Variants in MTMR6 observed in about 807,000 individuals in gnomAD.
MTMR6 encodes phosphatidylinositol-3,5-bisphosphate 3-phosphatase MTMR6.
Under a neutral mutation model 80.1 loss-of-function variants are expected in MTMR6, and 47 were observed. The ratio of observed to expected loss-of-function variants is 0.59; its 90% CI spans 0.46 to 0.75. The LOEUF is 0.75. MTMR6 is among the 30% of genes least tolerant of loss of function. The pLI, the probability that MTMR6 is intolerant of heterozygous loss-of-function variation, is 0.00. For synonymous variants in MTMR6, 254 were observed against 253.0 expected (o/e 1.00, Z -0.04); for missense variants, 629 against 730.9 (o/e 0.86, Z 1.61).
intron 5 of MTMR6, among the ~76,000 whole-genome samples, chr13:25,263,631 A>G (rs1440137314): frequency 1.3e-5 from 2 of 152,202 alleles, no homozygotes; most frequent in African/African-American, 2.4e-5. Flanking sequence ...TCACACCTGC[A>G]ATCCCAGCAC....
At chr13:25,274,741 C>T (rs76207647) in intron 1 of MTMR6, among the ~76,000 whole-genome samples, 2,052 of 152,132 alleles carry the variant, frequency 0.013, 63 homozygotes, top group African/African-American at 0.046. Flanking sequence ...AAGTGGCAAG[C>T]ATTCTTCAAG....
chr13:25,266,021 A>C, intron 4 of MTMR6, 74 bp from the exon 5 acceptor site: 1 of 1,595,892 alleles, frequency 6.3e-7, no homozygotes, highest in Non-Finnish European at 8.6e-7. Context: ...AAACCTTATT[A>C]AATGCAAGAA....
intron 13 of MTMR6, among the ~76,000 whole-genome samples, chr13:25,249,881 T>A (rs1248737915): frequency 6.6e-6 from 1 of 152,228 alleles, no homozygotes; most frequent in Admixed American, 6.5e-5. Context: ...AAGGGCTCAC[T>A]GACTATATAG....
chr13:25,263,383 A>G (rs893067281), intron 5 of MTMR6, among the ~76,000 whole-genome samples: 1 of 152,160 alleles, frequency 6.6e-6, no homozygotes, highest in Non-Finnish European at 1.5e-5. Context: ...GATAAGGATG[A>G]ACCTGAAGAC....
intron 1 of MTMR6, among the ~76,000 whole-genome samples, chr13:25,286,349 C>G (rs1470750195): frequency 5.9e-5 from 9 of 152,178 alleles, no homozygotes; most frequent in African/African-American, 2.2e-4. Flanking sequence ...TTTGCCAAAA[C>G]GTCAAGAGGC....
rs1486582287 is a variant in MTMR6, at chr13:25,266,293, A to G, written c.305-7T>C. 7 of 1,600,916 alleles carry G rather than the reference A, an allele frequency of 4.4e-6. No individual in the cohort carries two copies. The highest frequency in any genetic ancestry group is 1.3e-5 in the African/African-American group (1 of 74,428). On this transcript the variant is annotated splice_region_variant and splice_polypyrimidine_tract_variant and intron_variant, in intron 3 of 13. Coordinates refer to ENST00000381801, the MANE Select transcript of MTMR6 (RefSeq NM_004685.5). ...TAGAGATCTTCATATTTTGCTACAG[A>G]ATACAAAATTTTAAATGTTAAGTGC...
At chr13:25,278,210 T>C (rs1233380684) in intron 1 of MTMR6, among the ~76,000 whole-genome samples, 3 of 152,230 alleles carry the variant, frequency 2.0e-5, no homozygotes, top group African/African-American at 7.2e-5. Context: ...CTTCTCTACC[T>C]TTAGGCTCTT....
At chr13:25,285,425 G>A (rs1158381861) in intron 1 of MTMR6, among the ~76,000 whole-genome samples, 1 of 138,934 alleles carries the variant, frequency 7.2e-6, no homozygotes, top group Non-Finnish European at 1.5e-5. Flanking sequence ...CAGGCTGGAG[G>A]GCAATGGCGC....
chr13:25,265,649 C>G (rs1382407097), intron 5 of MTMR6, among the ~76,000 whole-genome samples, 170 bp downstream of exon 5: 2 of 151,732 alleles, frequency 1.3e-5, no homozygotes, highest in African/African-American at 4.8e-5. Flanking sequence ...ACAAGAACTG[C>G]TTGAACCGAG....
At chr13:25,254,000 C>T (rs756366786) in intron 10 of MTMR6, 36 bp from the exon 11 acceptor site, 1 of 1,591,174 alleles carries the variant, frequency 6.3e-7, no homozygotes, top group Non-Finnish European at 8.6e-7. Context: ...TTAAAAACAC[C>T]TCTGAAAGGT....
At chr13:25,265,412 C>A (rs1257448155) in intron 5 of MTMR6, among the ~76,000 whole-genome samples, 1 of 152,142 alleles carries the variant, frequency 6.6e-6, no homozygotes, top group Non-Finnish European at 1.5e-5. Flanking sequence ...AACAAAAAGC[C>A]AGTGCTTCTC....
rs748311697 is a variant in MTMR6 at position 25,258,711 on chromosome 13, G to A, written c.727-19C>T. The A allele has an allele frequency of 6.7e-7, 1 of 1,500,256 alleles. No individual in the cohort carries two copies. The highest frequency in any genetic ancestry group is 1.4e-5 in the African/African-American group (1 of 69,030). The allele number at this position is 1,500,256 out of a possible 1,614,324, so 92.9% of individuals were successfully genotyped here. A position where few individuals can be genotyped will look rare whatever the true frequency, so the allele number is the denominator to read the frequency against. Reference sequence around the variant, plus strand: ...CATTCAGCTAAAATTAAAAGTTTTAGAAATTTAGAGACAAATTACTTTTTT... The same window carrying A: ...CATTCAGCTAAAATTAAAAGTTTTAAAAATTTAGAGACAAATTACTTTTTT... On this transcript the variant is annotated intron_variant, in intron 6 of 13. Coordinates refer to ENST00000381801, the MANE Select transcript of MTMR6 (RefSeq NM_004685.5).
chr13:25,277,963 A>C (rs1957761393), intron 1 of MTMR6, among the ~76,000 whole-genome samples: 1 of 152,178 alleles, frequency 6.6e-6, no homozygotes, highest in Non-Finnish European at 1.5e-5. Flanking sequence ...TTAGATCTTT[A>C]ATTTTGGTCA....
intron 2 of MTMR6, among the ~76,000 whole-genome samples, chr13:25,271,621 C>G (rs1280534271): frequency 6.6e-6 from 1 of 152,206 alleles, no homozygotes. Flanking sequence ...GCCCCATATT[C>G]TAACCACCTT....
In MTMR6 at chr13:25,258,693, CTAAAAT is replaced by C. The variant is rs149367120; in HGVS notation, c.727-7_727-2del. 0.077 allele frequency: 117,351 copies of C among 1,525,772 alleles called. 4,818 individuals carry two copies. Among genetic ancestry groups the C allele is most frequent in the Admixed American group, 0.1 (4,040 of 39,858 alleles). 94.5% of individuals were successfully genotyped at this position (1,525,772 alleles called of 1,614,324 possible). A position where few individuals can be genotyped will look rare whatever the true frequency, so the allele number is the denominator to read the frequency against. Reference sequence around the variant, plus strand: ...CTGCTCTGTTGGCCATTGCATTCAGCTAAAATTAAAAGTTTTAGAAATTTAGAGACA... The same window carrying C: ...CTGCTCTGTTGGCCATTGCATTCAGCTAAAAGTTTTAGAAATTTAGAGACA... On this transcript the variant is annotated splice_acceptor_variant and splice_polypyrimidine_tract_variant and intron_variant, in intron 6 of 13. Coordinates refer to ENST00000381801, the MANE Select transcript of MTMR6 (RefSeq NM_004685.5). LOFTEE classifies it high-confidence loss of function.
chr13:25,269,557 T>C (rs1253227412), intron 2 of MTMR6, among the ~76,000 whole-genome samples: 1 of 152,108 alleles, frequency 6.6e-6, no homozygotes, highest in East Asian at 1.9e-4. Flanking sequence ...AGAGATCCAT[T>C]TATCCCAAAT....
rs553432413 is a variant in MTMR6, at chr13:25,247,342, A to C, written c.*1890T>G. ...TTACATGCTATACACTTCCAAACAC[A>C]CTGAACATAAATTCAACTTTATAAG... On this transcript the variant is annotated 3_prime_UTR_variant, in exon 14 of 14. Coordinates refer to ENST00000381801, the MANE Select transcript of MTMR6 (RefSeq NM_004685.5). 6.5e-6 allele frequency: 1 copy of C among 152,742 alleles called. No homozygotes were observed. Among genetic ancestry groups the C allele is most frequent in the Admixed American group, 6.5e-5 (1 of 15,306 alleles). 9.5% of individuals were successfully genotyped at this position (152,742 alleles called of 1,614,324 possible).
At chr13:25,252,494 G>T (rs1957113394) in intron 11 of MTMR6, among the ~76,000 whole-genome samples, 1 of 152,200 alleles carries the variant, frequency 6.6e-6, no homozygotes, top group South Asian at 2.1e-4. Flanking sequence ...GCAAATCTAA[G>T]AGTAGCTGGG....
rs943285846 is a variant in MTMR6 at position 25,251,084 on chromosome 13, T to G, written c.1605+565A>C. ...CAGGCTGGAGTGCAGAGGCATGATC[T>G]TGGCTCACTGCAACCTCCGCCTCCC... On this transcript the variant is annotated intron_variant, in intron 13 of 13. Coordinates refer to ENST00000381801, the MANE Select transcript of MTMR6 (RefSeq NM_004685.5). This position sits in a 1 kb window ranked among gnomAD's most constrained non-coding sequence, Gnocchi z 4.1. Among the ~76,000 whole-genome samples, 6 of 152,348 alleles carry G rather than the reference T, an allele frequency of 3.9e-5. No individual in the cohort carries two copies. The highest frequency in any genetic ancestry group is 3.3e-4 in the Admixed American group (5 of 15,312).
Sources: gnomAD v4.1 joint callset for allele counts (sites outside exome capture counted in the v4.1 genomes callset) on GRCh38, gnomAD v4.1.1 for gene constraint, Gnocchi (gnomAD v3.1) non-coding constraint, MANE v1.5 for transcripts, NCBI Gene and HGNC (gene_info 2026-07-23, HGNC 2026-07-21) for gene names.